Variants in SGCD observed in about 807,000 individuals in gnomAD.
SGCD encodes the protein sarcoglycan delta.
A neutral mutation model predicts 36.6 loss-of-function variants in SGCD; 18 were observed. That is an observed-to-expected ratio of 0.49 (90% CI 0.34 to 0.73). The LOEUF is 0.73. Among genes scored for constraint, SGCD ranks in the 30% least tolerant of loss-of-function variants. The pLI is 0.01. For synonymous variants in SGCD, 133 were observed against 130.6 expected (o/e 1.02, Z -0.12); for missense variants, 387 against 346.7 (o/e 1.12, Z -0.92).
At chr5:155,877,396 T>G (rs1580966227) in intron 1 of SGCD, among the ~76,000 whole-genome samples, 1 of 152,122 alleles carries the variant, frequency 6.6e-6, no homozygotes, top group Admixed American at 6.6e-5. Context: ...TAAGATAAAG[T>G]TCTTCCTTCT....
chr5:156,662,882 T>A (rs1345396574), intron 7 of SGCD, among the ~76,000 whole-genome samples: 1 of 151,276 alleles, frequency 6.6e-6, no homozygotes, highest in African/African-American at 2.5e-5. Context: ...GTTTTTGTTT[T>A]GGTAGCGGCC....
chr5:156,619,791 C>T (rs1399992471), intron 6 of SGCD, among the ~76,000 whole-genome samples: 1 of 152,142 alleles, frequency 6.6e-6, no homozygotes, highest in Admixed American at 6.5e-5. Flanking sequence ...ACTTGAATTT[C>T]ATTTGCTTAT....
At chr5:156,598,324 A>G (rs955470962) in intron 6 of SGCD, among the ~76,000 whole-genome samples, 2 of 152,144 alleles carry the variant, frequency 1.3e-5, no homozygotes, top group African/African-American at 4.8e-5. Flanking sequence ...CAGGTGGATC[A>G]TGAGGTCAGG....
intron 1 of SGCD, among the ~76,000 whole-genome samples, chr5:155,938,778 C>G (rs1017764752): frequency 6.6e-6 from 1 of 152,198 alleles, no homozygotes; most frequent in African/African-American, 2.4e-5. Context: ...GTCATTTAAT[C>G]CTACCAGTAT....
intron 3 of SGCD, among the ~76,000 whole-genome samples, chr5:156,305,645 C>T (rs114902158): frequency 0.033 from 5,072 of 152,232 alleles, 230 homozygotes; most frequent in African/African-American, 0.097. Flanking sequence ...GCACCGTCAT[C>T]CTCCAGACCC....
At chr5:156,008,642 T>C in intron 1 of SGCD, among the ~76,000 whole-genome samples, 1 of 152,180 alleles carries the variant, frequency 6.6e-6, no homozygotes, top group South Asian at 2.1e-4. Flanking sequence ...TCTCAAAGCA[T>C]TAGGTTTACA....
intron 1 of SGCD, among the ~76,000 whole-genome samples, chr5:155,949,714 G>T (rs1332661015): frequency 6.6e-6 from 1 of 152,118 alleles, no homozygotes; most frequent in Non-Finnish European, 1.5e-5. Context: ...ACACTTACTT[G>T]TTTTCGTATT....
chr5:156,498,935 CGTGTGTGTGTGTGT>C (rs71577198), intron 3 of SGCD, among the ~76,000 whole-genome samples: 1 of 149,346 alleles, frequency 6.7e-6, no homozygotes, highest in East Asian at 2.0e-4. Context: ...ATGTGTGCTA[CGTGTGTGTGTGTGT>C]GTGTGTGTGT....
intron 1 of SGCD, among the ~76,000 whole-genome samples, chr5:155,912,854 C>T (rs1756659428): frequency 6.6e-6 from 1 of 151,948 alleles, no homozygotes; most frequent in African/African-American, 2.4e-5. Flanking sequence ...TTCTTAATTA[C>T]TTTTCTTTCT....
In SGCD at chr5:156,734,539, T is replaced by C. The variant is rs1385427181; in HGVS notation, c.576-23042T>C. Among the ~76,000 whole-genome samples the C allele has an allele frequency of 2.0e-5, 3 of 152,302 alleles. No homozygotes were observed. In the East Asian group the frequency reaches 5.8e-4, roughly 29 times the overall value. On this transcript the variant is annotated intron_variant, in intron 7 of 8. Transcript: ENST00000337851. ...AACAATCAGTCGTAGATTTGGTCTC[T>C]TTACATTATCCCATATTTCTCAGAG...
At chr5:156,431,625 C>A (rs1753014044) in intron 3 of SGCD, among the ~76,000 whole-genome samples, 1 of 152,210 alleles carries the variant, frequency 6.6e-6, no homozygotes. Flanking sequence ...ATTATTTTGT[C>A]CCACGGGGTA....
At chr5:156,073,102 TG>T (rs1760637702) in intron 1 of SGCD, among the ~76,000 whole-genome samples, 1 of 152,238 alleles carries the variant, frequency 6.6e-6, no homozygotes, top group Non-Finnish European at 1.5e-5. Flanking sequence ...CGGAGTAGTT[TG>T]GTCATCTGAA....
chr5:155,986,944 G>C (rs1004462365), intron 1 of SGCD, among the ~76,000 whole-genome samples: 1 of 152,100 alleles, frequency 6.6e-6, no homozygotes, highest in African/African-American at 2.4e-5. Context: ...TGACTGCAAA[G>C]CTCTTATAGA....
rs190656482 is a variant in SGCD at position 156,376,682 on chromosome 5, C to T, written c.192+32005C>T. On this transcript the variant is annotated intron_variant, in intron 3 of 8. Coordinates refer to ENST00000337851, the MANE Select transcript of SGCD (RefSeq NM_000337.6). The stretch of plus-strand genomic sequence containing the variant: ...TTTTTATTGGTTACTAATCAAGTAT[C>T]TTTGTGTTTTTCAAAAGTATTTTAG... Among the ~76,000 whole-genome samples the T allele has an allele frequency of 4.2e-3, 634 of 152,044 alleles. 3 individuals carry two copies. Among genetic ancestry groups the T allele is most frequent in the Non-Finnish European group, 7.7e-3 (521 of 67,986 alleles).
At chr5:156,655,677 C>T (rs1763644197) in intron 7 of SGCD, among the ~76,000 whole-genome samples, 1 of 152,108 alleles carries the variant, frequency 6.6e-6, no homozygotes, top group Non-Finnish European at 1.5e-5. Context: ...TTCTGGATTC[C>T]AGACTATACT....
chr5:156,269,504 A>AC lies in SGCD; in HGVS notation c.-43-60030_-43-60029insC, dbSNP rs1561593260. Among the ~76,000 whole-genome samples the AC allele has an allele frequency of 9.5e-5, 14 of 147,336 alleles. 2 individuals carry two copies. Among genetic ancestry groups the AC allele is most frequent in the African/African-American group, 3.3e-4 (13 of 38,882 alleles). On this transcript the variant is annotated intron_variant, in intron 3 of 9. Transcript: ENST00000517913. ...AAAAAAAAAAAAAAAAAAAAAAAAA[A>AC]AAAAAACCATCAGATCTCATGAAAC... is the stretch of plus-strand genomic sequence containing the variant.
intron 1 of SGCD, among the ~76,000 whole-genome samples, chr5:155,901,594 T>C (rs190730985): frequency 6.2e-4 from 94 of 152,288 alleles, no homozygotes; most frequent in African/African-American, 2.2e-3. Flanking sequence ...CTTGAAAATG[T>C]TCACTAAGTC....
intron 1 of SGCD, among the ~76,000 whole-genome samples, chr5:155,892,655 C>T (rs181649816): frequency 1.3e-5 from 2 of 152,102 alleles, no homozygotes; most frequent in Admixed American, 6.6e-5. Flanking sequence ...GTAAATTCTT[C>T]TGATTTTTAA....
intron 3 of SGCD, among the ~76,000 whole-genome samples, chr5:156,457,400 A>G (rs1477448508): frequency 6.6e-6 from 1 of 152,242 alleles, no homozygotes; most frequent in Non-Finnish European, 1.5e-5. Context: ...TACAACTTCC[A>G]AAAGTTAAAT....
Sources: gnomAD v4.1 joint callset for allele counts (sites outside exome capture counted in the v4.1 genomes callset) on GRCh38, gnomAD v4.1.1 for gene constraint, MANE v1.5 for transcripts, NCBI Gene and HGNC (gene_info 2026-07-23, HGNC 2026-07-21) for gene names.